Variants in VPS54 observed in about 807,000 individuals in gnomAD.
The protein encoded by VPS54 is vacuolar protein sorting-associated protein 54.
VPS54 carries 45 observed loss-of-function variants against 121.5 expected under a neutral mutation model. The ratio of observed to expected loss-of-function variants is 0.37; its 90% confidence interval spans 0.29 to 0.47. The LOEUF is 0.47. Among genes scored for constraint, VPS54 ranks in the 20% least tolerant of loss-of-function variants. The pLI is 0.99. For missense variants in VPS54, 1,090 were observed against 1,131.4 expected, an observed-to-expected ratio of 0.96 and a Z score of 0.52; for synonymous variants, 371 against 385.8, an observed-to-expected ratio of 0.96 and a Z score of 0.45.
intron 3 of VPS54, among the ~76,000 whole-genome samples, chr2:63,978,476 A>G (rs1676651231): frequency 6.6e-6 from 1 of 152,216 alleles, no homozygotes. Flanking sequence ...ATTTGAAAGA[A>G]TGTGTGTAGA....
At chr2:63,956,145 G>C (rs1036910121) in intron 7 of VPS54, among the ~76,000 whole-genome samples, 20 of 152,028 alleles carry the variant, frequency 1.3e-4, no homozygotes, top group African/African-American at 2.4e-5. Context: ...TAGAATTCTA[G>C]TTTCATCAAA....
chr2:63,903,322 G>T (rs1672768305), intron 20 of VPS54, among the ~76,000 whole-genome samples: 1 of 152,186 alleles, frequency 6.6e-6, no homozygotes, highest in Non-Finnish European at 1.5e-5. Flanking sequence ...TTTGAAAAGT[G>T]AAGAGAAAAT....
At chr2:63,967,717 T>TAAAAAAAAAAAAAA (rs1349880473) in intron 5 of VPS54, among the ~76,000 whole-genome samples, 1 of 14,526 alleles carries the variant, frequency 6.9e-5, no homozygotes, top group Non-Finnish European at 2.3e-4. Context: ...AGACTCTGCC[T>TAAAAAAAAAAAAAA]CAAAAAAAAA....
At chr2:63,961,420 C>T (rs896918424) in intron 7 of VPS54, among the ~76,000 whole-genome samples, 1 of 152,102 alleles carries the variant, frequency 6.6e-6, no homozygotes, top group Non-Finnish European at 1.5e-5. Flanking sequence ...CTTACTAGTA[C>T]GTGGTTTGGA....
chr2:63,996,438 A>C (rs1260547323), intron 1 of VPS54, among the ~76,000 whole-genome samples: 1 of 152,194 alleles, frequency 6.6e-6, no homozygotes, highest in East Asian at 1.9e-4. Flanking sequence ...CGTTAACTGC[A>C]CAAATTGTTC....
intron 16 of VPS54, 25 bp downstream of exon 16, chr2:63,916,875 T>C (rs1673402414): frequency 1.2e-6 from 2 of 1,611,130 alleles, no homozygotes; most frequent in East Asian, 2.2e-5. Flanking sequence ...TTGACTCAAC[T>C]ACTAAAGAAA....
At chr2:63,901,280 C>T (rs781153641) in intron 20 of VPS54, among the ~76,000 whole-genome samples, 5 of 152,042 alleles carry the variant, frequency 3.3e-5, no homozygotes, top group Admixed American at 6.5e-5. Context: ...CTGAAAAGGC[C>T]CTCTGAGGAG....
intron 22 of VPS54, among the ~76,000 whole-genome samples, chr2:63,894,991 T>A (rs1672385077): frequency 6.6e-6 from 1 of 152,180 alleles, no homozygotes; most frequent in South Asian, 2.1e-4. Context: ...GTACTTAGCT[T>A]CATCTGGAAT....
chr2:63,900,220 C>CAAAAAAAAAAAAAAAAAAAAAAA lies in VPS54; in HGVS notation c.2626-662_2626-640dup, dbSNP rs70965149. Among the ~76,000 whole-genome samples, 3 of 63,390 alleles carry CAAAAAAAAAAAAAAAAAAAAAAA rather than the reference C, an allele frequency of 4.7e-5. 1 individual carries two copies. The highest frequency in any genetic ancestry group is 2.7e-5 in the Non-Finnish European group (1 of 37,232). The allele number at this position is 63,390 out of a possible 152,430, so 41.6% of individuals were successfully genotyped here. A position where few individuals can be genotyped will look rare whatever the true frequency, so the allele number is the denominator to read the frequency against. ...GGGCGACAAGAGTGAAACTCTGTCT[C>CAAAAAAAAAAAAAAAAAAAAAAA]AAAAAAAAAAAAAAAAAAAAAAAAG... On this transcript the variant is annotated intron_variant, in intron 20 of 22. Coordinates refer to ENST00000272322, the MANE Select transcript of VPS54 (RefSeq NM_016516.3).
chr2:63,950,750 A>T (rs11884555), intron 7 of VPS54, among the ~76,000 whole-genome samples: 19,828 of 152,040 alleles, frequency 0.13, 2,526 homozygotes, highest in African/African-American at 0.33. Flanking sequence ...GGTGCTCACT[A>T]TCTCTTCCTT....
chr2:63,992,729 T>G (rs1370380278), intron 1 of VPS54, among the ~76,000 whole-genome samples: 3 of 152,274 alleles, frequency 2.0e-5, no homozygotes, highest in African/African-American at 7.2e-5. Context: ...GGGCCATTAA[T>G]GCTGTAATTA....
chr2:63,981,776 G>T lies in VPS54; in HGVS notation c.248C>A (p.Ala83Glu). ...TGTGAAGAAGTCAGATTCTCTTTTT[G>T]CTAATCTAGGATCGTTTAATGCTGC... Reference protein sequence around the residue: ...LPAALNDPRLAKRESDFFTKT... With the variant: ...LPAALNDPRLEKRESDFFTKT... The change falls in exon 3 of 23, where the codon GCA (alanine) becomes GAA (glutamate). Residue 83 changes from alanine (A) to glutamate (E), a missense_variant. Around this residue, in one of 2 missense-constraint regions of VPS54, gnomAD observed 801 missense variants for 757.0 expected, o/e 1.06. Coordinates refer to ENST00000272322, the MANE Select transcript of VPS54 (RefSeq NM_016516.3). The T allele has an allele frequency of 1.9e-6, 3 of 1,613,586 alleles. No homozygotes were observed. The East Asian group carries it at 6.7e-5, about 36-fold the overall frequency.
In VPS54 at chr2:63,897,481, C is replaced by CG; in HGVS notation, c.2828+14dup. On this transcript the variant is annotated intron_variant, in intron 22 of 22. Transcript: ENST00000272322. ...TCGATATGGGAGTATATGGTGAAAA[C>CG]GTTAAAAAACATACCCATTTTGAGG... The CG allele has an allele frequency of 1.3e-6, 2 of 1,525,404 alleles. No individual in the cohort carries two copies. Among genetic ancestry groups the CG allele is most frequent in the Non-Finnish European group, 1.8e-6 (2 of 1,115,004 alleles). 94.5% of individuals were successfully genotyped at this position (1,525,404 alleles called of 1,614,324 possible). A position where few individuals can be genotyped will look rare whatever the true frequency, so the allele number is the denominator to read the frequency against.
At chr2:64,015,276 T>C (rs1678628517) in intron 1 of VPS54, among the ~76,000 whole-genome samples, 1 of 152,198 alleles carries the variant, frequency 6.6e-6, no homozygotes, top group Admixed American at 6.5e-5. Flanking sequence ...TTTTTTCAGA[T>C]TTGAAGACAA....
intron 22 of VPS54, among the ~76,000 whole-genome samples, chr2:63,896,495 T>C (rs983133814): frequency 6.6e-5 from 10 of 152,194 alleles, no homozygotes; most frequent in Non-Finnish European, 7.4e-5. Flanking sequence ...AAATAATTCT[T>C]TAAAAAGAAA....
chr2:63,939,220 A>C (rs928603151), intron 11 of VPS54, among the ~76,000 whole-genome samples: 4 of 152,148 alleles, frequency 2.6e-5, no homozygotes, highest in African/African-American at 9.7e-5. Context: ...AAAAACACAA[A>C]AATTAGCTAG....
chr2:64,008,586 C>A (rs917230796), intron 1 of VPS54, among the ~76,000 whole-genome samples: 1 of 152,118 alleles, frequency 6.6e-6, no homozygotes, highest in Admixed American at 6.5e-5. Context: ...TTGAGAAAGA[C>A]AGGACTTTGT....
At chr2:63,976,990 A>T (rs1421320070) in intron 3 of VPS54, among the ~76,000 whole-genome samples, 1 of 151,740 alleles carries the variant, frequency 6.6e-6, no homozygotes, top group East Asian at 1.9e-4. Context: ...CACCATACCC[A>T]GCTAATTTTT....
intron 3 of VPS54, among the ~76,000 whole-genome samples, chr2:63,981,320 T>C (rs564175531): frequency 6.6e-6 from 1 of 152,214 alleles, no homozygotes; most frequent in East Asian, 1.9e-4. Flanking sequence ...AACAGTAATA[T>C]TCTGCCAATT....
Sources: gnomAD v4.1 joint callset for allele counts (sites outside exome capture counted in the v4.1 genomes callset) on GRCh38, gnomAD v4.1.1 for gene constraint, gnomAD v4.1.1 regional missense constraint, MANE v1.5 for transcripts, NCBI Gene and HGNC (gene_info 2026-07-23, HGNC 2026-07-21) for gene names.